Variants in CDK12 observed in about 807,000 individuals in gnomAD.
The protein encoded by CDK12 is cyclin-dependent kinase 12.
In CDK12, 17 loss-of-function variants were observed where a neutral mutation model predicts 133.8. The ratio of observed to expected loss-of-function variants is 0.13; its 90% CI spans 0.09 to 0.19. The LOEUF (loss-of-function observed/expected upper bound fraction) is 0.19, where lower values mean the gene tolerates loss of function less well. Among genes scored for constraint, CDK12 ranks in the 10% least tolerant of loss-of-function variants. The pLI is 1.00. For synonymous variants in CDK12, 694 were observed against 683.6 expected, an observed-to-expected ratio of 1.02 and a Z score of -0.24; for missense variants, 1,508 against 1,818.7, an observed-to-expected ratio of 0.83 and a Z score of 3.11.
Position 39,530,954 on chromosome 17 carries a change from G to A in CDK12, c.4111G>A (p.Val1371Met). ...ALTESLVQTL[V>M]KNRTFSGSLS... ...GACAGAATCCTTGGTCCAGACCCTGGTGAAGAACAGGACCTTCTCAGGCTC... is the reference window on the plus strand; with the variant it reads ...GACAGAATCCTTGGTCCAGACCCTGATGAAGAACAGGACCTTCTCAGGCTC... The change falls in exon 14 of 14, where the codon GTG (valine) becomes ATG (methionine). Residue 1371 changes from valine (V) to methionine (M), a missense_variant. By Grantham distance (21) the Val-to-Met change is conservative. This residue lies in a region of CDK12 where 399 missense variants were observed against 469.6 expected (regional missense o/e 0.85). Coordinates refer to ENST00000447079, the MANE Select transcript of CDK12 (RefSeq NM_016507.4). 1.9e-6 allele frequency: 3 copies of A among 1,614,234 alleles called. No homozygotes were observed. The highest frequency in any genetic ancestry group is 1.7e-6 in the Non-Finnish European group (2 of 1,180,050).
chr17:39,537,569 A>ATTTATTTG (rs573932650), downstream of CDK12, among the ~76,000 whole-genome samples: 1,481 of 150,334 alleles, frequency 9.9e-3, 29 homozygotes, highest in African/African-American at 0.035. Context: ...TTATTTATTT[A>ATTTATTTG]TTTATTTATT....
chr17:39,534,903 T>G (rs112450869), downstream of CDK12: 515 of 152,736 alleles, frequency 3.4e-3, 1 homozygote, highest in Non-Finnish European at 5.6e-3. Context: ...TCAAGGGAAG[T>G]TGGTAAGAGG....
At chr17:39,476,485 A>C (rs1305101511) in intron 2 of CDK12, among the ~76,000 whole-genome samples, 1 of 149,574 alleles carries the variant, frequency 6.7e-6, no homozygotes, top group Non-Finnish European at 1.5e-5. Context: ...CAGTGATGTG[A>C]TCTCGGCTGC....
At chr17:39,536,312 G>A (rs2055132945), downstream of CDK12, among the ~76,000 whole-genome samples, 1 of 152,188 alleles carries the variant, frequency 6.6e-6, no homozygotes, top group South Asian at 2.1e-4. Flanking sequence ...TGTTTTGAAA[G>A]GTAATGAGAG....
At chr17:39,502,781 G>A (rs2052816208) in intron 6 of CDK12, among the ~76,000 whole-genome samples, 1 of 152,066 alleles carries the variant, frequency 6.6e-6, no homozygotes, top group Admixed American at 6.6e-5. Context: ...AAATTTCTAG[G>A]CAGAAGCAGC....
intron 5 of CDK12, 45 bp downstream of exon 5, chr17:39,494,739 C>CT (rs904220598): frequency 5.7e-5 from 64 of 1,117,326 alleles, no homozygotes; most frequent in Non-Finnish European, 7.7e-5. Context: ...CTGGTCCAAT[C>CT]TTTGCCTTTC....
chr17:39,543,300 CTAAA>C (rs923699420), upstream of CDK12, among the ~76,000 whole-genome samples: 17 of 152,300 alleles, frequency 1.1e-4, no homozygotes, highest in African/African-American at 4.1e-4. Context: ...CCTAAATACC[CTAAA>C]TAGTGTGTTC....
At chr17:39,527,212 G>A (rs1318461590) in intron 13 of CDK12, among the ~76,000 whole-genome samples, 1 of 152,248 alleles carries the variant, frequency 6.6e-6, no homozygotes, top group Non-Finnish European at 1.5e-5. Flanking sequence ...CATTTCATAT[G>A]AGGTGGTGCA....
At chr17:39,478,514 T>A (rs2050390029) in intron 2 of CDK12, among the ~76,000 whole-genome samples, 1 of 152,114 alleles carries the variant, frequency 6.6e-6, no homozygotes, top group African/African-American at 2.4e-5. Context: ...TTATTATCAG[T>A]ATTCTACATA....
At chr17:39,505,213 G>A (rs1369650361) in intron 6 of CDK12, among the ~76,000 whole-genome samples, 3 of 119,694 alleles carry the variant, frequency 2.5e-5, no homozygotes, top group Non-Finnish European at 4.9e-5. Flanking sequence ...TGGCAACAGA[G>A]CAAGACTCCG....
downstream of CDK12, among the ~76,000 whole-genome samples, chr17:39,536,292 G>C (rs2055132492): frequency 6.6e-6 from 1 of 152,126 alleles, no homozygotes; most frequent in African/African-American, 2.4e-5. Flanking sequence ...TAGAGTTACT[G>C]CTATTTCATT....
At chr17:39,536,745 T>C (rs975945972), downstream of CDK12, among the ~76,000 whole-genome samples, 2 of 152,136 alleles carry the variant, frequency 1.3e-5, no homozygotes, top group African/African-American at 4.8e-5. Flanking sequence ...TTCTCTCATA[T>C]CTCTTATCTC....
chr17:39,556,079 C>T (rs1054343012), intron 2 of CDK12, among the ~76,000 whole-genome samples: 14 of 151,834 alleles, frequency 9.2e-5, no homozygotes, highest in Non-Finnish European at 1.9e-4. Flanking sequence ...CCACATGCTC[C>T]CTAATCCTCT....
At chr17:39,565,033 A>T (rs553241191), downstream of CDK12, 2 of 152,348 alleles carry the variant, frequency 1.3e-5, no homozygotes, top group East Asian at 1.9e-4. Flanking sequence ...CCAGGCTGGC[A>T]TTTGCCACTC....
chr17:39,498,102 A>G (rs923652518), intron 5 of CDK12, among the ~76,000 whole-genome samples: 18 of 151,836 alleles, frequency 1.2e-4, no homozygotes, highest in African/African-American at 4.1e-4. Flanking sequence ...CCTGGGTTCA[A>G]GGGATCCCCC....
intron 5 of CDK12, 36 bp downstream of exon 5, chr17:39,494,730 TG>T: frequency 7.2e-7 from 1 of 1,386,554 alleles, no homozygotes; most frequent in Admixed American, 2.6e-5. Context: ...CAGGGTAGAC[TG>T]GTCCAATCTT....
chr17:39,463,887 GA>G (rs1340543105), intron 1 of CDK12, among the ~76,000 whole-genome samples: 1 of 151,902 alleles, frequency 6.6e-6, no homozygotes, highest in African/African-American at 2.4e-5. Flanking sequence ...GAATTATTTG[GA>G]AAACTGTGTT....
At position 39,534,129 on chromosome 17, in the gene CDK12, G is replaced by T. The variant is rs2055021504; in HGVS notation, c.*2813G>T. Reference sequence around the variant, plus strand: ...AAATATACTTGACCCAGTTTCCTTAGTTTTTTCTTCAACTGTCCATAGGAA... The same window carrying T: ...AAATATACTTGACCCAGTTTCCTTATTTTTTTCTTCAACTGTCCATAGGAA... On this transcript the variant is annotated 3_prime_UTR_variant, in exon 14 of 14. Transcript: ENST00000447079. 2.1e-5 allele frequency: 5 copies of T among 232,742 alleles called. No homozygotes were observed. In the East Asian group the frequency reaches 3.0e-4, roughly 14 times the overall value. 14.4% of individuals were successfully genotyped at this position (232,742 alleles called of 1,614,324 possible).
chr17:39,520,220 TG>T, intron 11 of CDK12, 133 bp downstream of exon 11: 1 of 839,038 alleles, frequency 1.2e-6, no homozygotes, highest in Non-Finnish European at 1.8e-6. Flanking sequence ...GGTTGAGGTT[TG>T]TTTTTTTTGT....
Sources: gnomAD v4.1 joint callset for allele counts (sites outside exome capture counted in the v4.1 genomes callset) on GRCh38, gnomAD v4.1.1 for gene constraint, gnomAD v4.1.1 regional missense constraint, MANE v1.5 for transcripts, NCBI Gene and HGNC (gene_info 2026-07-23, HGNC 2026-07-21) for gene names.